The following PCDHGB5 variants were observed in gnomAD, a reference collection of about 807,000 sequenced individuals.
PCDHGB5 encodes the protein protocadherin gamma-B5.
A neutral mutation model predicts 62.9 loss-of-function variants in PCDHGB5; 48 were observed. The observed-to-expected ratio is 0.76, with a 90% CI of 0.61 to 0.97. The LOEUF (loss-of-function observed/expected upper bound fraction) is 0.97, where lower values mean the gene tolerates loss of function less well. PCDHGB5 is among the 50% of genes least tolerant of loss of function. The pLI, the probability that PCDHGB5 is intolerant of heterozygous loss-of-function variation, is 0.00. For missense variants in PCDHGB5, 1,118 were observed against 1,198.6 expected (o/e 0.93, Z 0.99); for synonymous variants, 474 against 511.2 (o/e 0.93, Z 0.98).
rs1025985501 is a variant in PCDHGB5 at position 141,432,385 on chromosome 5, C to G, written c.2397+31861C>G. 2.5e-6 allele frequency: 4 copies of G among 1,614,138 alleles called. No homozygotes were observed. In the African/African-American group the frequency reaches 5.3e-5, roughly 22 times the overall value. Reference sequence around the variant, plus strand: ...CGCGGGACAACGGGCACCCGCCCCTCAGCAGCAACGTGTCGTTGAGCCTGT... The same window carrying G: ...CGCGGGACAACGGGCACCCGCCCCTGAGCAGCAACGTGTCGTTGAGCCTGT... On this transcript the variant is annotated intron_variant, in intron 1 of 3. Transcript: ENST00000617380. The surrounding 1 kb of genome is among the most constrained non-coding windows in gnomAD (Gnocchi z 6.0).
rs996353495 is a variant in PCDHGB5, at chr5:141,485,101, T to G, written c.2398-9706T>G. 12 of 1,158,090 alleles carry G rather than the reference T, an allele frequency of 1.0e-5. No individual in the cohort carries two copies. Among genetic ancestry groups the G allele is most frequent in the Non-Finnish European group, 1.4e-5 (11 of 786,830 alleles). The allele number at this position is 1,158,090 out of a possible 1,614,324, so 71.7% of individuals were successfully genotyped here. ...GGAAAGGGAGATAGGTGTCTCCAGC[T>G]GCTGTGGCTGTTTGGGGCGGGTCGG... On this transcript the variant is annotated intron_variant, in intron 1 of 3. Transcript: ENST00000617380. This position sits in a 1 kb window ranked among gnomAD's most constrained non-coding sequence, Gnocchi z 5.7.
intron 3 of PCDHGB5, among the ~76,000 whole-genome samples, chr5:141,509,040 C>T (rs1217864661): frequency 6.6e-6 from 1 of 152,132 alleles, no homozygotes; most frequent in African/African-American, 2.4e-5. Context: ...CAACCCCTCT[C>T]CCCCGCCCCC....
chr5:141,478,497 CGGTGTTCTATAGGCA>C, intron 1 of PCDHGB5: 1 of 1,612,820 alleles, frequency 6.2e-7, no homozygotes, highest in South Asian at 1.1e-5. Flanking sequence ...AGCTGTGATC[CGGTGTTCTATAGGCA>C]GGTGTTGGGT....
At position 141,399,718 on chromosome 5, in the gene PCDHGB5, C is replaced by T. The variant is rs770212703; in HGVS notation, c.1591C>T (p.Arg531Cys). The stretch of plus-strand genomic sequence containing the variant: ...CACCTTCGAACTCACACTACAGGCC[C>T]GCGACCAGGGCTCGCCTGCGCTCAG... ...LRTFELTLQARDQGSPALSAN... is the reference protein window; with the variant it reads ...LRTFELTLQACDQGSPALSAN... The change falls in exon 1 of 4, where the codon CGC (arginine) becomes TGC (cysteine). Residue 531 changes from arginine (R) to cysteine (C), a missense_variant. Around this residue, in one of 2 missense-constraint regions of PCDHGB5, gnomAD observed 1,034 missense variants for 1,029.1 expected, o/e 1.00. Transcript: ENST00000617380. The T allele has an allele frequency of 6.2e-7, 1 of 1,613,306 alleles. No individual in the cohort carries two copies. Among genetic ancestry groups the T allele is most frequent in the Non-Finnish European group, 8.5e-7 (1 of 1,179,856 alleles).
chr5:141,399,703 C>T lies in PCDHGB5; in HGVS notation c.1576C>T (p.Leu526Phe). Reference sequence around the variant, plus strand: ...CTACGAGCAGCTGCGCACCTTCGAACTCACACTACAGGCCCGCGACCAGGG... The same window carrying T: ...CTACGAGCAGCTGCGCACCTTCGAATTCACACTACAGGCCCGCGACCAGGG... ...FDYEQLRTFE[L>F]TLQARDQGSP... Residue 526 changes from leucine to phenylalanine, a missense_variant, in exon 1 of 4, where the codon CTC becomes TTC. By Grantham distance (22) the Leu-to-Phe change is conservative (BLOSUM62 0). This residue lies in a region of PCDHGB5 where 1,034 missense variants were observed against 1,029.1 expected (regional missense o/e 1.00). Transcript: ENST00000617380. The T allele has an allele frequency of 1.2e-6, 2 of 1,613,474 alleles. No homozygotes were observed. Among genetic ancestry groups the T allele is most frequent in the African/African-American group, 1.3e-5 (1 of 75,078 alleles).
chr5:141,428,557 C>T (rs2097147196), intron 1 of PCDHGB5: 2 of 242,520 alleles, frequency 8.2e-6, no homozygotes, highest in Non-Finnish European at 1.6e-5. Context: ...AACAGTCCCC[C>T]CACAAGATCT....
intron 1 of PCDHGB5, among the ~76,000 whole-genome samples, chr5:141,446,621 C>G (rs1284919173): frequency 6.6e-6 from 1 of 152,094 alleles, no homozygotes; most frequent in African/African-American, 2.4e-5. Context: ...GGACTACAGG[C>G]GTGCACCACC....
At chr5:141,422,872 C>T (rs773469060) in intron 1 of PCDHGB5, 19 of 1,614,134 alleles carry the variant, frequency 1.2e-5, no homozygotes, top group African/African-American at 2.7e-5. Flanking sequence ...CAACGTGTCG[C>T]TGAGCCTGTT....
intron 1 of PCDHGB5, among the ~76,000 whole-genome samples, chr5:141,455,246 G>A (rs2098817522): frequency 6.6e-6 from 1 of 151,962 alleles, no homozygotes; most frequent in Non-Finnish European, 1.5e-5. Context: ...AAAGGTCATA[G>A]TACAATCGCA....
chr5:141,438,760 C>T (rs1346379482), intron 1 of PCDHGB5, among the ~76,000 whole-genome samples: 4 of 148,802 alleles, frequency 2.7e-5, no homozygotes, highest in South Asian at 2.1e-4. Context: ...CTCCTGGGTT[C>T]AAGCGATTCT....
chr5:141,420,293 A>T (rs1478341095), intron 1 of PCDHGB5: 1 of 1,485,484 alleles, frequency 6.7e-7, no homozygotes, highest in Admixed American at 2.2e-5. Context: ...TTAAAAATGT[A>T]TTTAATCCTT....
At chr5:141,468,877 T>C (rs1321110515) in intron 1 of PCDHGB5, among the ~76,000 whole-genome samples, 2 of 149,546 alleles carry the variant, frequency 1.3e-5, no homozygotes, top group African/African-American at 4.9e-5. Context: ...AAAATAATAA[T>C]AATAATAATA....
chr5:141,430,826 CTG>C (rs2097313923), intron 1 of PCDHGB5: 1 of 1,550,416 alleles, frequency 6.4e-7, no homozygotes, highest in Non-Finnish European at 8.7e-7. Context: ...CCTGGGGACT[CTG>C]TGGGAGACCG....
intron 1 of PCDHGB5, chr5:141,405,157 G>T: frequency 6.2e-7 from 1 of 1,614,072 alleles, no homozygotes. Context: ...TGGCTGGTGT[G>T]CCCACCTCAC....
chr5:141,419,578 G>C (rs1339676992), intron 1 of PCDHGB5: 1 of 1,611,722 alleles, frequency 6.2e-7, no homozygotes. Flanking sequence ...ACGGCTCCGC[G>C]CTCTTCGACA....
chr5:141,490,874 A>C lies in PCDHGB5; in HGVS notation c.2398-3933A>C. 1 of 1,613,948 alleles carries C rather than the reference A, an allele frequency of 6.2e-7. No homozygotes were observed. The highest frequency in any genetic ancestry group is 1.3e-5 in the African/African-American group (1 of 75,054). The stretch of plus-strand genomic sequence containing the variant: ...CGAGACTCCGGCTCTCCCCCATTGC[A>C]TGCCAACACATCTCTGCATGTGTTT... On this transcript the variant is annotated intron_variant, in intron 1 of 3. Coordinates refer to ENST00000617380, the MANE Select transcript of PCDHGB5 (RefSeq NM_018925.3). The surrounding 1 kb of genome is among the most constrained non-coding windows in gnomAD (Gnocchi z 5.4).
chr5:141,412,050 A>G (rs1465943762), intron 1 of PCDHGB5: 1 of 152,222 alleles, frequency 6.6e-6, no homozygotes, highest in African/African-American at 2.4e-5. Flanking sequence ...GTGAACTTCT[A>G]TACCCTTTGC....
intron 1 of PCDHGB5, chr5:141,408,377 C>A: frequency 6.2e-7 from 1 of 1,614,020 alleles, no homozygotes; most frequent in Non-Finnish European, 8.5e-7. Flanking sequence ...GCTCAGTGTC[C>A]TGGATGTGTC....
chr5:141,407,455 C>G (rs2094931708), intron 1 of PCDHGB5, among the ~76,000 whole-genome samples: 1 of 148,412 alleles, frequency 6.7e-6, no homozygotes, highest in African/African-American at 2.5e-5. Context: ...ACGAGGCTCA[C>G]CAGACAGATG....
Sources: allele counts gnomAD v4.1 joint callset (sites outside exome capture counted in the v4.1 genomes callset), GRCh38; gene constraint gnomAD v4.1.1; regional missense constraint gnomAD v4.1.1; non-coding constraint Gnocchi (gnomAD v3.1); transcripts MANE v1.5; gene names NCBI Gene and HGNC (gene_info 2026-07-23, HGNC 2026-07-21).